The following ERC2 variants were observed in gnomAD, a reference collection of about 807,000 sequenced individuals.
The protein encoded by ERC2 is ERC protein 2.
Under a neutral mutation model 114.8 loss-of-function variants are expected in ERC2, and 42 were observed. That is an observed-to-expected ratio of 0.37 (90% CI 0.29 to 0.47). ERC2 has a LOEUF of 0.47. ERC2 is among the 20% of genes least tolerant of loss of function. The pLI is 0.99. For missense variants in ERC2, 939 were observed against 1,150.7 expected, an observed-to-expected ratio of 0.82 and a Z score of 2.66; for synonymous variants, 454 against 425.5, an observed-to-expected ratio of 1.07 and a Z score of -0.82.
At chr3:56,361,122 T>G (rs879085351) in intron 2 of ERC2, among the ~76,000 whole-genome samples, 3 of 152,064 alleles carry the variant, frequency 2.0e-5, no homozygotes, top group Non-Finnish European at 4.4e-5. Context: ...TTGTGAAAAT[T>G]TTTGTCTGAC....
intron 17 of ERC2, among the ~76,000 whole-genome samples, chr3:55,521,577 C>T (rs1026010611): frequency 1.1e-4 from 17 of 152,176 alleles, no homozygotes; most frequent in African/African-American, 3.4e-4. Context: ...ATTTCCAGAA[C>T]GCCTAATAGA....
chr3:55,539,816 G>GTGA (rs2054272530), intron 17 of ERC2, among the ~76,000 whole-genome samples: 1 of 151,616 alleles, frequency 6.6e-6, no homozygotes, highest in Non-Finnish European at 1.5e-5. Flanking sequence ...CCAAATGTTT[G>GTGA]TGATTATAGA....
intron 17 of ERC2, among the ~76,000 whole-genome samples, chr3:55,539,776 T>C (rs1183369463): frequency 6.6e-6 from 1 of 152,094 alleles, no homozygotes; most frequent in East Asian, 1.9e-4. Context: ...ATAAAAACAA[T>C]ATATTTAATG....
chr3:56,213,519 A>G (rs1017708982), intron 3 of ERC2, among the ~76,000 whole-genome samples: 1 of 152,202 alleles, frequency 6.6e-6, no homozygotes, highest in Admixed American at 6.5e-5. Flanking sequence ...GCAGCCAGGA[A>G]GCTCGAACTG....
chr3:55,634,996 C>T (rs815459), intron 17 of ERC2, among the ~76,000 whole-genome samples: 85,364 of 151,670 alleles, frequency 0.56, 25,125 homozygotes, highest in Non-Finnish European at 0.65. Flanking sequence ...ATTATCCTGC[C>T]TCAGCCTCTT....
intron 14 of ERC2, among the ~76,000 whole-genome samples, chr3:55,801,007 C>T (rs77745893): frequency 0.023 from 3,438 of 152,284 alleles, 144 homozygotes; most frequent in African/African-American, 0.078. Context: ...GGCCTAGAAG[C>T]AGTGACATTT....
intron 2 of ERC2, among the ~76,000 whole-genome samples, chr3:56,429,654 A>G (rs751362144): frequency 2.0e-5 from 3 of 152,238 alleles, no homozygotes; most frequent in Admixed American, 6.5e-5. Context: ...TTAGTAGTAG[A>G]GCAAATGTAT....
At chr3:56,271,760 C>T (rs1228004310) in intron 3 of ERC2, among the ~76,000 whole-genome samples, 1 of 152,128 alleles carries the variant, frequency 6.6e-6, no homozygotes, top group African/African-American at 2.4e-5. Context: ...ACCCTCCTCC[C>T]ACCTTCCACC....
chr3:56,123,900 T>C (rs1165170263), intron 6 of ERC2, among the ~76,000 whole-genome samples: 1 of 152,216 alleles, frequency 6.6e-6, no homozygotes, highest in East Asian at 1.9e-4. Context: ...GGTCTATACA[T>C]AAGGACGCCC....
rs543359229 is a variant in ERC2, at chr3:55,679,018, T to C, written c.*39+4776A>G. On this transcript the variant is annotated intron_variant, in intron 17 of 17. Coordinates refer to ENST00000288221, the MANE Select transcript of ERC2 (RefSeq NM_015576.3). ...ACTTCTGCTCTTCCTGCCACGACAA[T>C]TCATCCTCTACACAGCAGCCAGGGT... Among the ~76,000 whole-genome samples, 10 of 152,274 alleles carry C rather than the reference T, an allele frequency of 6.6e-5. No homozygotes were observed. The East Asian group carries it at 1.9e-3, about 29-fold the overall frequency.
intron 14 of ERC2, among the ~76,000 whole-genome samples, chr3:55,799,450 C>CCTT (rs1553682495): frequency 5.6e-5 from 6 of 106,208 alleles, no homozygotes; most frequent in African/African-American, 1.7e-4. Flanking sequence ...TATATATATG[C>CCTT]ATATATATAT....
intron 17 of ERC2, among the ~76,000 whole-genome samples, chr3:55,621,414 T>C (rs1475683688): frequency 6.6e-6 from 1 of 152,122 alleles, no homozygotes; most frequent in African/African-American, 2.4e-5. Flanking sequence ...CGGGACATAT[T>C]TGGGGAGTTC....
chr3:56,387,492 T>C (rs1323579782), intron 2 of ERC2, among the ~76,000 whole-genome samples: 1 of 152,170 alleles, frequency 6.6e-6, no homozygotes, highest in Admixed American at 6.5e-5. Flanking sequence ...TTCTCTCTTG[T>C]TTATTTGACT....
At chr3:55,905,915 G>T (rs935097038) in intron 13 of ERC2, among the ~76,000 whole-genome samples, 1 of 152,138 alleles carries the variant, frequency 6.6e-6, no homozygotes. Flanking sequence ...CCTCCCACCT[G>T]TCCCTGGTAT....
chr3:56,438,801 A>G (rs2062150483), intron 1 of ERC2, among the ~76,000 whole-genome samples: 1 of 152,152 alleles, frequency 6.6e-6, no homozygotes, highest in Non-Finnish European at 1.5e-5. Flanking sequence ...TTACACGCAC[A>G]CAGATTTAAT....
intron 7 of ERC2, among the ~76,000 whole-genome samples, chr3:56,061,524 A>G (rs2076244881): frequency 6.6e-6 from 1 of 152,228 alleles, no homozygotes; most frequent in South Asian, 2.1e-4. Context: ...AAAAGAAAGG[A>G]AGGGACTTTA....
intron 14 of ERC2, among the ~76,000 whole-genome samples, chr3:55,741,058 C>G (rs1559579770): frequency 6.6e-6 from 1 of 152,154 alleles, no homozygotes; most frequent in East Asian, 1.9e-4. Context: ...ATTTAAATCA[C>G]TGTGAGCTAA....
chr3:55,613,866 C>T (rs936960472), intron 17 of ERC2, among the ~76,000 whole-genome samples: 2 of 151,244 alleles, frequency 1.3e-5, no homozygotes, highest in African/African-American at 4.9e-5. Flanking sequence ...AACGTAATCC[C>T]AGCTACTTGG....
chr3:55,977,038 C>T (rs2069643948), intron 12 of ERC2, among the ~76,000 whole-genome samples: 1 of 152,234 alleles, frequency 6.6e-6, no homozygotes, highest in Non-Finnish European at 1.5e-5. Context: ...AAAGCAGGCG[C>T]TCACCAGACA....
Sources: allele counts gnomAD v4.1 joint callset (sites outside exome capture counted in the v4.1 genomes callset), GRCh38; gene constraint gnomAD v4.1.1; transcripts MANE v1.5; gene names NCBI Gene and HGNC (gene_info 2026-07-23, HGNC 2026-07-21).